CCDC122: variants seen among roughly 807,000 people sequenced by gnomAD.
The protein encoded by CCDC122 is coiled-coil domain-containing protein 122.
A neutral mutation model predicts 37.0 loss-of-function variants in CCDC122; 38 were observed. The observed-to-expected ratio is 1.03, with a 90% CI of 0.79 to 1.35. CCDC122 has a LOEUF of 1.35. Ranked by LOEUF, CCDC122 falls within the 40% of genes most tolerant of loss-of-function variation. CCDC122 has a pLI of 0.00. For missense variants in CCDC122, 305 were observed against 310.0 expected (o/e 0.98, Z 0.12); for synonymous variants, 83 against 95.6 (o/e 0.87, Z 0.77).
chr13:43,858,265 A>C (rs940166852), intron 6 of CCDC122: 7 of 152,258 alleles, frequency 4.6e-5, no homozygotes, highest in African/African-American at 1.7e-4. Context: ...AATAATGACA[A>C]TAGAAGTCCA....
chr13:43,837,057 G>A lies in CCDC122; in HGVS notation c.*223C>T. ...ACAGAGACTCTTGCATTATTTTCCC[G>A]TAGACATTCCTATTGTCTGTCTACT... On this transcript the variant is annotated 3_prime_UTR_variant, in exon 7 of 7. Transcript: ENST00000444614. 2.2e-6 allele frequency: 1 copy of A among 463,964 alleles called. No individual in the cohort carries two copies. The highest frequency in any genetic ancestry group is 3.6e-5 in the South Asian group (1 of 27,472). 28.7% of individuals were successfully genotyped at this position (463,964 alleles called of 1,614,324 possible). A position where few individuals can be genotyped will look rare whatever the true frequency, so the allele number is the denominator to read the frequency against.
chr13:43,863,430 C>T (rs1262117783), intron 4 of CCDC122, among the ~76,000 whole-genome samples: 3 of 152,084 alleles, frequency 2.0e-5, no homozygotes, highest in Non-Finnish European at 2.9e-5. Flanking sequence ...AACTGATGGG[C>T]ATTTGGGTTG....
Position 43,861,968 on chromosome 13 carries a change from T to C in CCDC122, c.157-1898A>G, listed in dbSNP as rs1172753161. 2.0e-5 allele frequency among the ~76,000 whole-genome samples: 3 copies of C among 152,062 alleles called. No homozygotes were observed. The East Asian group carries it at 5.8e-4, about 29-fold the overall frequency. The stretch of plus-strand genomic sequence containing the variant: ...CTCATCAAATCCTGATGGTTGGGCC[T>C]CCAAAATAAAATCCCCAATGCACTT... On this transcript the variant is annotated intron_variant, in intron 4 of 6. Coordinates refer to ENST00000444614, the MANE Select transcript of CCDC122 (RefSeq NM_144974.5).
Position 43,852,533 on chromosome 13 carries a change from G to A in CCDC122, c.672+6248C>T, listed in dbSNP as rs968685350. Among the ~76,000 whole-genome samples, 6 of 151,972 alleles carry A rather than the reference G, an allele frequency of 3.9e-5. No homozygotes were observed. In the South Asian group the frequency reaches 8.3e-4, roughly 21 times the overall value. The stretch of plus-strand genomic sequence containing the variant: ...TCATTGGAGTCCCTAAAAGAGATGG[G>A]GAGAATGGAACCAACTTGGAAAACA... On this transcript the variant is annotated intron_variant, in intron 6 of 6. Coordinates refer to ENST00000444614, the MANE Select transcript of CCDC122 (RefSeq NM_144974.5).
rs1052807945 is a variant in CCDC122 at position 43,874,853 on chromosome 13, C to A, written c.-125G>T. 1.3e-5 allele frequency: 2 copies of A among 152,160 alleles called. No individual in the cohort carries two copies. The highest frequency in any genetic ancestry group is 4.8e-5 in the African/African-American group (2 of 41,402). The allele number at this position is 152,160 out of a possible 1,614,324, so 9.4% of individuals were successfully genotyped here. A position where few individuals can be genotyped will look rare whatever the true frequency, so the allele number is the denominator to read the frequency against. On this transcript the variant is annotated 5_prime_UTR_variant, in exon 2 of 7. Transcript: ENST00000444614. ...AATAAACTGTATACCTATTATACAC[C>A]AGTACCGCTGAATCTGCTGACACTA...
intron 3 of CCDC122, among the ~76,000 whole-genome samples, chr13:43,829,574 G>A (rs1422682380): frequency 6.6e-6 from 1 of 152,060 alleles, no homozygotes; most frequent in African/African-American, 2.4e-5. Context: ...CCAAAGTGCT[G>A]GGATTACAGG....
downstream of CCDC122, among the ~76,000 whole-genome samples, chr13:43,835,796 ATATACT>A (rs1274865921): frequency 6.6e-6 from 1 of 152,242 alleles, no homozygotes; most frequent in Non-Finnish European, 1.5e-5. Context: ...TTACATTAAA[ATATACT>A]TATATAATCA....
chr13:43,849,699 A>G (rs1039198339), intron 6 of CCDC122, among the ~76,000 whole-genome samples: 13 of 152,204 alleles, frequency 8.5e-5, no homozygotes, highest in African/African-American at 2.9e-4. Context: ...TACTAAAGTC[A>G]AACACTACAG....
rs1953783112 is a variant in CCDC122, at chr13:43,852,766, C to T, written c.672+6015G>A. 2.0e-5 allele frequency among the ~76,000 whole-genome samples: 3 copies of T among 151,896 alleles called. No homozygotes were observed. In the South Asian group the frequency reaches 6.2e-4, roughly 32 times the overall value. ...AGGTCAGATCACCTACAAAGGGATA[C>T]CCATCAGACTAACAGTGGACCTCTC... On this transcript the variant is annotated intron_variant, in intron 6 of 6. Coordinates refer to ENST00000444614, the MANE Select transcript of CCDC122 (RefSeq NM_144974.5).
At chr13:43,832,404 C>A (rs1416712631), downstream of CCDC122, among the ~76,000 whole-genome samples, 3 of 152,108 alleles carry the variant, frequency 2.0e-5, no homozygotes, top group Admixed American at 2.0e-4. Flanking sequence ...CCTATAATAA[C>A]CTTTGTGGAT....
At chr13:43,824,726 A>G (rs1953023607) in intron 3 of CCDC122, among the ~76,000 whole-genome samples, 1 of 152,238 alleles carries the variant, frequency 6.6e-6, no homozygotes, top group African/African-American at 2.4e-5. Flanking sequence ...CCCCATTAAA[A>G]AGTGGGCAAA....
chr13:43,821,349 G>A (rs9533630), downstream of CCDC122, among the ~76,000 whole-genome samples: 109,677 of 152,096 alleles, frequency 0.72, 40,525 homozygotes, highest in Non-Finnish European at 0.82. Context: ...TCAGCCTCCC[G>A]AGTAGCTGGG....
intron 2 of CCDC122, among the ~76,000 whole-genome samples, chr13:43,871,588 A>G (rs1227131212): frequency 1.3e-5 from 2 of 152,084 alleles, no homozygotes; most frequent in Non-Finnish European, 2.9e-5. Flanking sequence ...GTGATGCTGT[A>G]TTACCCACTC....
chr13:43,851,568 C>A (rs982868449), intron 6 of CCDC122, among the ~76,000 whole-genome samples: 1 of 152,146 alleles, frequency 6.6e-6, no homozygotes, highest in Non-Finnish European at 1.5e-5. Context: ...CGCAGGGAGG[C>A]AAGCACCCCA....
chr13:43,832,753 T>C (rs560239267), downstream of CCDC122, among the ~76,000 whole-genome samples: 1 of 152,312 alleles, frequency 6.6e-6, no homozygotes, highest in African/African-American at 2.4e-5. Flanking sequence ...GTAGCTAAAA[T>C]GGGGCTTTGA....
chr13:43,840,368 AATTT>A (rs1459503012), intron 6 of CCDC122, among the ~76,000 whole-genome samples: 2 of 151,950 alleles, frequency 1.3e-5, no homozygotes, highest in African/African-American at 4.8e-5. Flanking sequence ...AATATACCAC[AATTT>A]ATTTTTATTT....
intron 6 of CCDC122, among the ~76,000 whole-genome samples, chr13:43,846,132 C>T (rs1363064880): frequency 1.3e-5 from 2 of 151,614 alleles, no homozygotes; most frequent in East Asian, 1.9e-4. Context: ...TGGAGTGCAA[C>T]GGCACGATCT....
chr13:43,844,634 G>A (rs754290271), intron 6 of CCDC122, among the ~76,000 whole-genome samples: 11 of 151,646 alleles, frequency 7.3e-5, no homozygotes, highest in Non-Finnish European at 1.5e-4. Flanking sequence ...CTTTGGTTCT[G>A]TTTGTTTTTG....
downstream of CCDC122, among the ~76,000 whole-genome samples, chr13:43,835,367 G>A (rs1401594034): frequency 6.6e-6 from 1 of 152,118 alleles, no homozygotes; most frequent in Non-Finnish European, 1.5e-5. Flanking sequence ...ACTAAATGAT[G>A]AGTTAATGGG....
Sources: allele counts gnomAD v4.1 joint callset (sites outside exome capture counted in the v4.1 genomes callset), GRCh38; gene constraint gnomAD v4.1.1; transcripts MANE v1.5; gene names NCBI Gene and HGNC (gene_info 2026-07-23, HGNC 2026-07-21).